Variants in NBEAL2 observed in about 807,000 individuals in gnomAD.
NBEAL2 encodes the protein neurobeachin-like protein 2.
NBEAL2 carries 160 observed loss-of-function variants against 299.8 expected under a neutral mutation model. The observed-to-expected ratio is 0.53, with a 90% confidence interval of 0.47 to 0.61. NBEAL2 has a LOEUF of 0.61. NBEAL2 is among the 20% of genes least tolerant of loss of function. The pLI, the probability that NBEAL2 is intolerant of heterozygous loss-of-function variation, is 0.00. For missense variants in NBEAL2, 3,112 were observed against 3,649.0 expected (o/e 0.85, Z 3.79); for synonymous variants, 1,493 against 1,542.3 (o/e 0.97, Z 0.75).
rs886058590 is a variant in NBEAL2, at chr3:46,979,923, C to T, written c.51+11C>T. ...CTCTACTACGCGCAGGTGAGCCCGC[C>T]CCGCCCCGCGCCCGCACCCGCACCC... On this transcript the variant is annotated intron_variant, in intron 1 of 53. Coordinates refer to ENST00000450053, the MANE Select transcript of NBEAL2 (RefSeq NM_015175.3). 5 of 387,188 alleles carry T rather than the reference C, an allele frequency of 1.3e-5. No homozygotes were observed. In the East Asian group the frequency reaches 2.0e-4, roughly 16 times the overall value. The allele number at this position is 387,188 out of a possible 1,614,324, so 24.0% of individuals were successfully genotyped here. A position where few individuals can be genotyped will look rare whatever the true frequency, so the allele number is the denominator to read the frequency against.
rs761593452 is a variant in NBEAL2, at chr3:47,002,349, TCTC to T, written c.5152-18_5152-16del. ...GGCTGGGGCCCACATCGAGCACTGT[TCTC>T]CTCTGCCCAATCCTCCAGGTACAGC... is the stretch of plus-strand genomic sequence containing the variant. On this transcript the variant is annotated intron_variant, in intron 31 of 53. Coordinates refer to ENST00000450053, the MANE Select transcript of NBEAL2 (RefSeq NM_015175.3). The T allele has an allele frequency of 3.7e-6, 6 of 1,612,552 alleles. No individual in the cohort carries two copies. Among genetic ancestry groups the T allele is most frequent in the African/African-American group, 2.7e-5 (2 of 74,916 alleles).
rs1306959720 is a variant in NBEAL2, at chr3:47,000,641, A to AG, written c.4305+240dup. On this transcript the variant is annotated intron_variant, in intron 27 of 53. Coordinates refer to ENST00000450053, the MANE Select transcript of NBEAL2 (RefSeq NM_015175.3). This position sits in a 1 kb window ranked among gnomAD's most constrained non-coding sequence, Gnocchi z 4.5. Reference sequence around the variant, plus strand: ...TGGGTGACACCAGCCAGGCTTCAGAAGGGCCCTCAAGAGAGCCTGTAGGGC... The same window carrying AG: ...TGGGTGACACCAGCCAGGCTTCAGAAGGGGCCCTCAAGAGAGCCTGTAGGGC... 6.6e-6 allele frequency among the ~76,000 whole-genome samples: 1 copy of AG among 152,140 alleles called. No homozygotes were observed. Among genetic ancestry groups the AG allele is most frequent in the Non-Finnish European group, 1.5e-5 (1 of 68,018 alleles).
Position 47,001,088 on chromosome 3 carries a change from G to C in NBEAL2, c.4393G>C (p.Ala1465Pro), listed in dbSNP as rs1287278144. ...WRGVEGSDEA[A>P]WRERGQVFSV... ...TGGCGTGGAAGGCAGCGATGAGGCT[G>C]CCTGGCGGGAGCGTGGCCAGGTTTT... The change falls in exon 28 of 54, where the codon GCC becomes CCC. Residue 1465 changes from alanine (A) to proline (P), a missense_variant. By Grantham distance (27) the Ala-to-Pro change is conservative (BLOSUM62 -1). Transcript: ENST00000450053. This position sits in a 1 kb window ranked among gnomAD's most constrained non-coding sequence, Gnocchi z 6.1. 3 of 1,612,476 alleles carry C rather than the reference G, an allele frequency of 1.9e-6. No individual in the cohort carries two copies. The African/African-American group carries it at 4.0e-5, about 22-fold the overall frequency.
rs1193137259 is a variant in NBEAL2 at position 46,984,262 on chromosome 3, C to T, written c.51+4350C>T. On this transcript the variant is annotated intron_variant, in intron 1 of 53. Coordinates refer to ENST00000450053, the MANE Select transcript of NBEAL2 (RefSeq NM_015175.3). ...CGGAGCTTGCAGTGAGTTGAGATCG[C>T]GCCACTGCACTCCAGCCTGGGCCGG... 6.6e-5 allele frequency among the ~76,000 whole-genome samples: 10 copies of T among 151,994 alleles called. No homozygotes were observed. In the South Asian group the frequency reaches 1.2e-3, roughly 19 times the overall value.
chr3:46,990,154 G>A (rs772063442), intron 6 of NBEAL2, among the ~76,000 whole-genome samples: 2 of 152,170 alleles, frequency 1.3e-5, no homozygotes, highest in Non-Finnish European at 2.9e-5. Flanking sequence ...GACAGAGGTG[G>A]GCAGGGCTGT....
At position 47,009,600 on chromosome 3, in the gene NBEAL2, C is replaced by G. The variant is rs966778254; in HGVS notation, c.*280C>G. ...GTCTGGGGCGGGGTTCCCCGGCTTC[C>G]AAGTCGCTGTTTCGTCAAAGCACGA... On this transcript the variant is annotated 3_prime_UTR_variant, in exon 54 of 54. Transcript: ENST00000450053. 1.1e-5 allele frequency: 5 copies of G among 463,564 alleles called. No individual in the cohort carries two copies. In the East Asian group the frequency reaches 1.9e-4, roughly 17 times the overall value. The allele number at this position is 463,564 out of a possible 1,614,324, so 28.7% of individuals were successfully genotyped here.
Position 46,999,422 on chromosome 3 carries a change from G to T in NBEAL2, c.3651G>T (p.Gly1217=). Residue 1217 remains glycine, a synonymous_variant, in exon 25 of 54, where the codon GGG becomes GGT. Coordinates refer to ENST00000450053, the MANE Select transcript of NBEAL2 (RefSeq NM_015175.3). ...GTCTGGTTGCCTGCTTGCCTGAGGGGACTGTTTCCCCCCAGCTCTGCCAGG... is the reference window on the plus strand; with the variant it reads ...GTCTGGTTGCCTGCTTGCCTGAGGGTACTGTTTCCCCCCAGCTCTGCCAGG... ...LQGLVACLPE[G]TVSPQLCQGL... The T allele has an allele frequency of 3.8e-6, 6 of 1,592,058 alleles. No homozygotes were observed. The highest frequency in any genetic ancestry group is 1.1e-5 in the South Asian group (1 of 88,132).
Position 47,000,283 on chromosome 3 carries a change from C to T in NBEAL2, c.4184C>T (p.Pro1395Leu), listed in dbSNP as rs375557124. ...QPGTPSPLDG[P>L]RPFPAAPGRH... Reference sequence around the variant, plus strand: ...GGCACTCCTTCGCCACTGGATGGGCCGCGGCCCTTTCCTGCTGCTCCTGGC... The same window carrying T: ...GGCACTCCTTCGCCACTGGATGGGCTGCGGCCCTTTCCTGCTGCTCCTGGC... Residue 1395 changes from proline (P) to leucine (L), a missense_variant, in exon 27 of 54, where the codon CCG (proline) becomes CTG (leucine). Physicochemically the swap from Pro to Leu is moderately conservative, Grantham distance 98. Transcript: ENST00000450053. This position sits in a 1 kb window ranked among gnomAD's most constrained non-coding sequence, Gnocchi z 4.5. 6.8e-6 allele frequency: 11 copies of T among 1,612,798 alleles called. No individual in the cohort carries two copies. The highest frequency in any genetic ancestry group is 5.9e-6 in the Non-Finnish European group (7 of 1,179,752).
chr3:46,979,689 CTT>C lies in NBEAL2; in HGVS notation c.-172_-171del. 1 of 315,012 alleles carries C rather than the reference CTT, an allele frequency of 3.2e-6. No homozygotes were observed. The highest frequency in any genetic ancestry group is 4.7e-5 in the East Asian group (1 of 21,094). The allele number at this position is 315,012 out of a possible 1,614,324, so 19.5% of individuals were successfully genotyped here. ...GCAGTGAGGAGGAGGAGCGAGCAGA[CTT>C]GGGTGGCTCTGCGCCGCGGAGGCCA... On this transcript the variant is annotated 5_prime_UTR_variant, in exon 1 of 54. Coordinates refer to ENST00000450053, the MANE Select transcript of NBEAL2 (RefSeq NM_015175.3).
At position 47,009,379 on chromosome 3, in the gene NBEAL2, G is replaced by C; in HGVS notation, c.*59G>C. On this transcript the variant is annotated 3_prime_UTR_variant, in exon 54 of 54. Coordinates refer to ENST00000450053, the MANE Select transcript of NBEAL2 (RefSeq NM_015175.3). ...CGGCAGGCCTGGCCCGGGAGGCCCC[G>C]CCCAGAAGTCGGCGGGAACACCCCG... The C allele has an allele frequency of 6.7e-7, 1 of 1,500,330 alleles. No individual in the cohort carries two copies. Among genetic ancestry groups the C allele is most frequent in the Non-Finnish European group, 9.0e-7 (1 of 1,107,986 alleles). 92.9% of individuals were successfully genotyped at this position (1,500,330 alleles called of 1,614,324 possible). A position where few individuals can be genotyped will look rare whatever the true frequency, so the allele number is the denominator to read the frequency against.
chr3:46,985,106 T>G (rs4683278), intron 1 of NBEAL2, among the ~76,000 whole-genome samples: 30,474 of 152,132 alleles, frequency 0.2, 3,153 homozygotes, highest in Admixed American at 0.24. Context: ...GATGGGGGCA[T>G]TCCAGCAGAG....
Position 47,003,039 on chromosome 3 carries a change from T to G in NBEAL2, c.5542T>G (p.Phe1848Val). The G allele has an allele frequency of 6.2e-7, 1 of 1,613,048 alleles. No individual in the cohort carries two copies. Among genetic ancestry groups the G allele is most frequent in the Non-Finnish European group, 8.5e-7 (1 of 1,179,582 alleles). The change falls in exon 34 of 54, where the codon TTC (phenylalanine) becomes GTC (valine). Residue 1848 changes from phenylalanine (F) to valine (V), a missense_variant. Physicochemically the swap from Phe to Val is conservative, Grantham distance 50. Around this residue, in one of 3 missense-constraint regions of NBEAL2, gnomAD observed 2,243 missense variants for 2,538.1 expected, o/e 0.88. Coordinates refer to ENST00000450053, the MANE Select transcript of NBEAL2 (RefSeq NM_015175.3). This position sits in a 1 kb window ranked among gnomAD's most constrained non-coding sequence, Gnocchi z 7.0. ...MRLKLVPNHHFDPHLEASALR... is the reference protein window; with the variant it reads ...MRLKLVPNHHVDPHLEASALR... ...TCTGAAGCTGGTGCCCAACCATCAC[T>G]TCGACCCTCACCTGGAAGCCAGCGC...
At position 46,993,932 on chromosome 3, in the gene NBEAL2, C is replaced by G. The variant is rs879312546; in HGVS notation, c.1114-5C>G. The stretch of plus-strand genomic sequence containing the variant: ...CCTCTCCTGATGGCCCCTCCCCACC[C>G]CAAGGTCCTGGACCAAGACACAGAC... On this transcript the variant is annotated splice_polypyrimidine_tract_variant and splice_region_variant and intron_variant, in intron 10 of 53. Coordinates refer to ENST00000450053, the MANE Select transcript of NBEAL2 (RefSeq NM_015175.3). 1 of 1,608,088 alleles carries G rather than the reference C, an allele frequency of 6.2e-7. No homozygotes were observed. Among genetic ancestry groups the G allele is most frequent in the East Asian group, 2.2e-5 (1 of 44,582 alleles).
chr3:46,981,334 C>T (rs987021150), intron 1 of NBEAL2, among the ~76,000 whole-genome samples: 1 of 152,030 alleles, frequency 6.6e-6, no homozygotes, highest in Admixed American at 6.5e-5. Context: ...CCCAGCTACT[C>T]GGGAGGCTGA....
chr3:47,002,976 TG>T lies in NBEAL2; in HGVS notation c.5481del (p.Trp1827Ter). ...CTGCAGGGACACTCCCATCCCCCGC[TG>T]GAAACTGTCCAGCGCCGAGACATAT... ...WALRDTPIPR[W>X]KLSSAETYSR... On this transcript the variant is annotated frameshift_variant, in exon 34 of 54. Coordinates refer to ENST00000450053, the MANE Select transcript of NBEAL2 (RefSeq NM_015175.3). LOFTEE classifies it high-confidence loss of function. 6.2e-7 allele frequency: 1 copy of T among 1,613,316 alleles called. No homozygotes were observed. The highest frequency in any genetic ancestry group is 8.5e-7 in the Non-Finnish European group (1 of 1,179,824).
chr3:47,009,101 G>A lies in NBEAL2; in HGVS notation c.8140G>A (p.Val2714Met). The A allele has an allele frequency of 6.3e-7, 1 of 1,596,670 alleles. No individual in the cohort carries two copies. Among genetic ancestry groups the A allele is most frequent in the South Asian group, 1.1e-5 (1 of 90,000 alleles). The change falls in exon 53 of 54, where the codon GTG becomes ATG. Residue 2714 changes from valine to methionine, a missense_variant. Val to Met is a conservative substitution (Grantham distance 21). Coordinates refer to ENST00000450053, the MANE Select transcript of NBEAL2 (RefSeq NM_015175.3). ...VGLEDGKLIV[V>M]VAGQPSEVRS... ...CCTGGAGGATGGCAAGCTCATCGTGGTGGTCGCGGGGCAGCCCTCTGAGGT... is the reference window on the plus strand; with the variant it reads ...CCTGGAGGATGGCAAGCTCATCGTGATGGTCGCGGGGCAGCCCTCTGAGGT...
chr3:47,004,459 C>T lies in NBEAL2; in HGVS notation c.6199-36C>T, dbSNP rs1176516546. 6.2e-7 allele frequency: 1 copy of T among 1,607,818 alleles called. No homozygotes were observed. Among genetic ancestry groups the T allele is most frequent in the Non-Finnish European group, 8.5e-7 (1 of 1,175,652 alleles). On this transcript the variant is annotated intron_variant, in intron 37 of 53. Transcript: ENST00000450053. This position sits in a 1 kb window ranked among gnomAD's most constrained non-coding sequence, Gnocchi z 5.0. ...GAATCACGGGGCAGTGCTGGACAGC[C>T]CACCTGGCTCACATCTTGTCTGCCC...
chr3:46,984,150 A>AAAATAC (rs1553655128), intron 1 of NBEAL2, among the ~76,000 whole-genome samples: 1,611 of 146,894 alleles, frequency 0.011, 29 homozygotes, highest in African/African-American at 0.025. Context: ...AAAAAAAAAA[A>AAAATAC]AAAAAATTAG....
In NBEAL2 at chr3:46,998,808, C is replaced by T; in HGVS notation, c.3313C>T (p.Leu1105Phe). 3.8e-6 allele frequency: 6 copies of T among 1,568,124 alleles called. No individual in the cohort carries two copies. Among genetic ancestry groups the T allele is most frequent in the Non-Finnish European group, 5.2e-6 (6 of 1,156,678 alleles). The change falls in exon 23 of 54, where the codon CTC (leucine) becomes TTC (phenylalanine). Residue 1105 changes from leucine (L) to phenylalanine (F), a missense_variant. Physicochemically the swap from Leu to Phe is conservative, Grantham distance 22 (BLOSUM62 0). Around this residue, in one of 3 missense-constraint regions of NBEAL2, gnomAD observed 2,243 missense variants for 2,538.1 expected, o/e 0.88. Transcript: ENST00000450053. ...GLAREFLVRS[L>F]SADDVQVTQT... ...GGCGAGGGAGTTCCTGGTGCGGAGTCTCTCAGCAGATGACGTGCAGGTCAC... is the reference window on the plus strand; with the variant it reads ...GGCGAGGGAGTTCCTGGTGCGGAGTTTCTCAGCAGATGACGTGCAGGTCAC...
Sources: allele counts gnomAD v4.1 joint callset (sites outside exome capture counted in the v4.1 genomes callset), GRCh38; gene constraint gnomAD v4.1.1; regional missense constraint gnomAD v4.1.1; non-coding constraint Gnocchi (gnomAD v3.1); transcripts MANE v1.5; gene names NCBI Gene and HGNC (gene_info 2026-07-23, HGNC 2026-07-21).